The following BCAS3 variants were observed in gnomAD, a reference collection of about 807,000 sequenced individuals.
BCAS3 encodes the protein BCAS4/BCAS3 fusion.
In BCAS3, 53 loss-of-function variants were observed where a neutral mutation model predicts 116.1. The ratio of observed to expected loss-of-function variants is 0.46; its 90% CI spans 0.37 to 0.57. BCAS3 has a LOEUF of 0.57. Ranked by LOEUF, BCAS3 falls within the 20% of genes least tolerant of loss-of-function variation. The pLI is 0.00. For missense variants in BCAS3, 917 were observed against 1,165.4 expected, an observed-to-expected ratio of 0.79 and a Z score of 3.10; for synonymous variants, 391 against 408.2, an observed-to-expected ratio of 0.96 and a Z score of 0.51.
At chr17:60,735,069 AT>A (rs949554655) in intron 5 of BCAS3, among the ~76,000 whole-genome samples, 3 of 152,110 alleles carry the variant, frequency 2.0e-5, no homozygotes, top group South Asian at 2.1e-4. Flanking sequence ...TACGTATTTC[AT>A]TTTTGGTGGC....
rs1300956562 is a variant in BCAS3 at position 61,364,254 on chromosome 17, A to G, written c.2426-4073A>G. On this transcript the variant is annotated intron_variant, in intron 22 of 23. Coordinates refer to ENST00000407086, the MANE Select transcript of BCAS3 (RefSeq NM_017679.5). This position sits in a 1 kb window ranked among gnomAD's most constrained non-coding sequence, Gnocchi z 5.4. ...GAAGAGAGAACAGACCCACTATCAA[A>G]TTGTGTTTCTCCTGTGTGCCATCCC... Among the ~76,000 whole-genome samples the G allele has an allele frequency of 6.6e-6, 1 of 152,142 alleles. No homozygotes were observed. Among genetic ancestry groups the G allele is most frequent in the Non-Finnish European group, 1.5e-5 (1 of 68,008 alleles).
At position 61,077,222 on chromosome 17, in the gene BCAS3, A is replaced by C. The variant is rs1289215352; in HGVS notation, c.2131-1111A>C. On this transcript the variant is annotated intron_variant, in intron 20 of 23. Coordinates refer to ENST00000407086, the MANE Select transcript of BCAS3 (RefSeq NM_017679.5). The surrounding 1 kb of genome is among the most constrained non-coding windows in gnomAD (Gnocchi z 4.3). ...CCACTTCTTTGACTTTATAATGTTT[A>C]ATAAAGTATTGGCGGCCGGGCGCAG... 6.6e-6 allele frequency among the ~76,000 whole-genome samples: 1 copy of C among 152,012 alleles called. No individual in the cohort carries two copies. Among genetic ancestry groups the C allele is most frequent in the Non-Finnish European group, 1.5e-5 (1 of 68,014 alleles).
chr17:60,724,918 T>C (rs7211727), intron 5 of BCAS3, among the ~76,000 whole-genome samples: 4,721 of 151,910 alleles, frequency 0.031, 237 homozygotes, highest in African/African-American at 0.1. Context: ...GTGGTGCCAT[T>C]ATAGCTCACT....
intron 19 of BCAS3, among the ~76,000 whole-genome samples, chr17:61,060,852 C>G (rs1279104937): frequency 6.6e-6 from 1 of 152,162 alleles, no homozygotes; most frequent in Non-Finnish European, 1.5e-5. Flanking sequence ...TTAAAGATCA[C>G]AACTCCCCAC....
intron 7 of BCAS3, among the ~76,000 whole-genome samples, chr17:60,840,038 T>C (rs9907229): frequency 0.22 from 33,172 of 151,762 alleles, 4,685 homozygotes; most frequent in African/African-American, 0.41. Flanking sequence ...GTTCATTGTA[T>C]TGCATTAAAA....
chr17:60,710,726 T>C (rs183413877), intron 5 of BCAS3, among the ~76,000 whole-genome samples: 3,255 of 150,992 alleles, frequency 0.022, 55 homozygotes, highest in Non-Finnish European at 0.033. Context: ...CCACCATGCC[T>C]GGCCAACATT....
chr17:60,960,931 T>TG lies in BCAS3; in HGVS notation c.1221+13580dup, dbSNP rs1318009456. Among the ~76,000 whole-genome samples, 1 of 152,094 alleles carries TG rather than the reference T, an allele frequency of 6.6e-6. No homozygotes were observed. Among genetic ancestry groups the TG allele is most frequent in the Non-Finnish European group, 1.5e-5 (1 of 68,020 alleles). On this transcript the variant is annotated intron_variant, in intron 14 of 23. Transcript: ENST00000407086. This position sits in a 1 kb window ranked among gnomAD's most constrained non-coding sequence, Gnocchi z 4.1. ...AAGAGGACACTCCACAGATCTTTCT[T>TG]GCATTTGTCTCTCTATTCCTGGCTT...
At chr17:60,948,316 C>G (rs2060636962) in intron 14 of BCAS3, among the ~76,000 whole-genome samples, 2 of 152,004 alleles carry the variant, frequency 1.3e-5, no homozygotes, top group African/African-American at 4.8e-5. Flanking sequence ...ACCATATTGG[C>G]CAGGCTGATC....
intron 10 of BCAS3, among the ~76,000 whole-genome samples, chr17:60,900,763 CACTATTTCTATAGTGCAAAATTCTG>C (rs1180786735): frequency 6.6e-6 from 1 of 151,114 alleles, no homozygotes; most frequent in East Asian, 1.9e-4. Context: ...TAGAATTTTG[CACTATTTCTATAGTGCAAAATTCTG>C]ACTCATCTTT....
chr17:61,105,843 G>C lies in BCAS3; in HGVS notation c.2425+21279G>C, dbSNP rs887414645. Among the ~76,000 whole-genome samples, 4 of 152,156 alleles carry C rather than the reference G, an allele frequency of 2.6e-5. No homozygotes were observed. Among genetic ancestry groups the C allele is most frequent in the African/African-American group, 9.7e-5 (4 of 41,436 alleles). The stretch of plus-strand genomic sequence containing the variant: ...ACAGAAAGGCAGCTAGGGATGTTTG[G>C]TTAAATTCATTTGTCACATATTGGT... On this transcript the variant is annotated intron_variant, in intron 22 of 23. Transcript: ENST00000407086. This position sits in a 1 kb window ranked among gnomAD's most constrained non-coding sequence, Gnocchi z 4.3.
At chr17:60,795,425 T>C (rs928284994) in intron 6 of BCAS3, among the ~76,000 whole-genome samples, 2 of 152,154 alleles carry the variant, frequency 1.3e-5, no homozygotes, top group African/African-American at 4.8e-5. Flanking sequence ...TCTCGTCTGA[T>C]TGCTCTGGCT....
rs1232238343 is a variant in BCAS3 at position 61,285,004 on chromosome 17, T to C, written c.2426-83323T>C. On this transcript the variant is annotated intron_variant, in intron 22 of 23. Coordinates refer to ENST00000407086, the MANE Select transcript of BCAS3 (RefSeq NM_017679.5). This position sits in a 1 kb window ranked among gnomAD's most constrained non-coding sequence, Gnocchi z 5.4. ...GGTTCTCTCCTGGTTCTCCTGTCTG[T>C]AGGCTTCTGAAAGCTTTGCTGCCCT... Among the ~76,000 whole-genome samples the C allele has an allele frequency of 6.6e-6, 1 of 152,214 alleles. No individual in the cohort carries two copies. Among genetic ancestry groups the C allele is most frequent in the East Asian group, 1.9e-4 (1 of 5,200 alleles).
In BCAS3 at chr17:60,889,922, A is replaced by G. The variant is rs550148194; in HGVS notation, c.738+151A>G. Reference sequence around the variant, plus strand: ...TTGGTTTGGTTTTAATTGTGCAACTAATAATTGAACTCGTTTAAGAATTTA... The same window carrying G: ...TTGGTTTGGTTTTAATTGTGCAACTGATAATTGAACTCGTTTAAGAATTTA... On this transcript the variant is annotated intron_variant, in intron 10 of 23. Coordinates refer to ENST00000407086, the MANE Select transcript of BCAS3 (RefSeq NM_017679.5). 2.7e-5 allele frequency: 19 copies of G among 710,552 alleles called. No individual in the cohort carries two copies. The South Asian group carries it at 3.0e-4, about 11-fold the overall frequency. 44.0% of individuals were successfully genotyped at this position (710,552 alleles called of 1,614,324 possible).
rs1012531182 is a variant in BCAS3 at position 60,962,503 on chromosome 17, A to G, written c.1221+15151A>G. ...GTCTTCTTTTGAGAAATGTGTGTTC[A>G]GGTCTTTTGCCCATTTTTAAATTTT... is the stretch of plus-strand genomic sequence containing the variant. On this transcript the variant is annotated intron_variant, in intron 14 of 23. Coordinates refer to ENST00000407086, the MANE Select transcript of BCAS3 (RefSeq NM_017679.5). This position sits in a 1 kb window ranked among gnomAD's most constrained non-coding sequence, Gnocchi z 4.4. 6.6e-6 allele frequency among the ~76,000 whole-genome samples: 1 copy of G among 151,918 alleles called. No homozygotes were observed.
At chr17:61,360,942 G>A (rs2058424270) in intron 22 of BCAS3, among the ~76,000 whole-genome samples, 1 of 152,128 alleles carries the variant, frequency 6.6e-6, no homozygotes, top group South Asian at 2.1e-4. Flanking sequence ...GCCTTTAATT[G>A]GGTAAAAACA....
chr17:61,009,216 T>A (rs2064937901), intron 15 of BCAS3, among the ~76,000 whole-genome samples: 1 of 152,048 alleles, frequency 6.6e-6, no homozygotes, highest in Non-Finnish European at 1.5e-5. Context: ...GCACCATTGC[T>A]TAGTGTCCTT....
At chr17:61,099,518 TG>T (rs1457533123) in intron 22 of BCAS3, among the ~76,000 whole-genome samples, 1 of 152,222 alleles carries the variant, frequency 6.6e-6, no homozygotes, top group Non-Finnish European at 1.5e-5. Context: ...ACTATTCCTT[TG>T]TATGGGCCTA....
At position 61,004,979 on chromosome 17, in the gene BCAS3, C is replaced by T. The variant is rs1035491027; in HGVS notation, c.1487-10772C>T. 6.6e-6 allele frequency among the ~76,000 whole-genome samples: 1 copy of T among 152,076 alleles called. No homozygotes were observed. Among genetic ancestry groups the T allele is most frequent in the Non-Finnish European group, 1.5e-5 (1 of 68,014 alleles). On this transcript the variant is annotated intron_variant, in intron 15 of 23. Transcript: ENST00000407086. This position sits in a 1 kb window ranked among gnomAD's most constrained non-coding sequence, Gnocchi z 4.8. ...TGAAATGTGTCTATATTTGATAAAA[C>T]CATAGATGAGGGAAAAAATACCATG...
Position 61,016,110 on chromosome 17 carries a change from A to G in BCAS3, c.1637+209A>G, listed in dbSNP as rs78164214. 8.6e-4 allele frequency among the ~76,000 whole-genome samples: 131 copies of G among 152,318 alleles called. 1 individual carries two copies. In the East Asian group the frequency reaches 0.025, roughly 29 times the overall value. On this transcript the variant is annotated intron_variant, in intron 16 of 23. Transcript: ENST00000407086. ...TGTATACACACATTCATCGAGAAAA[A>G]CAAAACAGTGACAAGCTGTGAAAAC... is the stretch of plus-strand genomic sequence containing the variant.
Sources: gnomAD v4.1 joint callset for allele counts (sites outside exome capture counted in the v4.1 genomes callset) on GRCh38, gnomAD v4.1.1 for gene constraint, Gnocchi (gnomAD v3.1) non-coding constraint, MANE v1.5 for transcripts, NCBI Gene and HGNC (gene_info 2026-07-23, HGNC 2026-07-21) for gene names.